PTPRD: variants seen among roughly 807,000 people sequenced by gnomAD.
PTPRD encodes the protein protein tyrosine phosphatase receptor type D.
In PTPRD, 34 loss-of-function variants were observed where a neutral mutation model predicts 214.5. The observed-to-expected ratio is 0.16, with a 90% confidence interval of 0.12 to 0.21. PTPRD has a LOEUF of 0.21. PTPRD is among the 10% of genes least tolerant of loss of function. The probability of loss-of-function intolerance (pLI) is 1.00; values close to 1 mark genes in which losing one functional copy is unlikely to be tolerated. For missense variants in PTPRD, 2,545 were observed against 2,398.7 expected, an observed-to-expected ratio of 1.06 and a Z score of -1.27; for synonymous variants, 1,128 against 845.7, an observed-to-expected ratio of 1.33 and a Z score of -5.79.
At chr9:9,856,199 C>T (rs567602839) in intron 5 of PTPRD, among the ~76,000 whole-genome samples, 4 of 152,256 alleles carry the variant, frequency 2.6e-5, no homozygotes, top group African/African-American at 4.8e-5. Flanking sequence ...CCGCTTCTGA[C>T]ATCCAGCTGT....
intron 12 of PTPRD, among the ~76,000 whole-genome samples, chr9:8,686,904 G>A (rs183250023): frequency 1.8e-4 from 28 of 152,298 alleles, no homozygotes; most frequent in Admixed American, 1.6e-3. Context: ...AACAAAAGTA[G>A]ATCAACCAGA....
chr9:9,148,536 T>C (rs949958826), intron 10 of PTPRD, among the ~76,000 whole-genome samples: 3 of 152,202 alleles, frequency 2.0e-5, no homozygotes, highest in African/African-American at 7.2e-5. Context: ...CACCCCCATA[T>C]GGCTGACATT....
rs138876388 is a variant in PTPRD, at chr9:9,593,361, G to A, written c.-286-18580C>T. Among the ~76,000 whole-genome samples the A allele has an allele frequency of 3.4e-4, 52 of 150,778 alleles. 1 individual carries two copies. In the East Asian group the frequency reaches 9.3e-3, roughly 27 times the overall value. ...GAGTAAGAAATACAAATATTTGTAT[G>A]TACATGTGTATGTATATGCTATATT... On this transcript the variant is annotated intron_variant, in intron 7 of 45. Coordinates refer to ENST00000381196, the MANE Select transcript of PTPRD (RefSeq NM_002839.4).
chr9:8,541,665 C>A (rs76925336), intron 14 of PTPRD, among the ~76,000 whole-genome samples: 2,344 of 152,182 alleles, frequency 0.015, 27 homozygotes, highest in Middle Eastern at 0.041. Flanking sequence ...CTGCGCCCAG[C>A]CTTTGTGTTT....
intron 5 of PTPRD, among the ~76,000 whole-genome samples, chr9:9,815,914 A>T (rs2048612659): frequency 1.3e-5 from 2 of 152,298 alleles, no homozygotes; most frequent in South Asian, 4.1e-4. Context: ...AAGTGTTCTC[A>T]CCACACATAC....
intron 3 of PTPRD, among the ~76,000 whole-genome samples, chr9:10,278,794 A>G (rs774483471): frequency 6.7e-6 from 1 of 148,516 alleles, no homozygotes; most frequent in Non-Finnish European, 1.5e-5. Flanking sequence ...TTTGTTTTTC[A>G]GATGGAGTCT....
In PTPRD at chr9:8,501,453, G is replaced by C. The variant is rs370888000; in HGVS notation, c.1823-394C>G. On this transcript the variant is annotated intron_variant, in intron 23 of 45. Coordinates refer to ENST00000381196, the MANE Select transcript of PTPRD (RefSeq NM_002839.4). ...GCAAATAGTGCTAGTATTTACTTGA[G>C]GGTCTGATGATGCCTCACAGATGTT... Among the ~76,000 whole-genome samples, 147 of 152,204 alleles carry C rather than the reference G, an allele frequency of 9.7e-4. 3 individuals are homozygous for C. In the South Asian group the frequency reaches 0.027, roughly 28 times the overall value.
intron 2 of PTPRD, among the ~76,000 whole-genome samples, chr9:10,608,605 C>T: frequency 6.6e-6 from 1 of 152,090 alleles, no homozygotes. Flanking sequence ...AGTCACATAG[C>T]TTGAAAGACT....
chr9:8,402,851 A>G (rs2130400536), intron 36 of PTPRD, among the ~76,000 whole-genome samples: 1 of 152,260 alleles, frequency 6.6e-6, no homozygotes, highest in Middle Eastern at 3.4e-3. Flanking sequence ...TAAAATTTTA[A>G]TAAATTTAAA....
chr9:10,371,988 A>T (rs1388425429), intron 2 of PTPRD, among the ~76,000 whole-genome samples: 1 of 152,068 alleles, frequency 6.6e-6, no homozygotes, highest in Non-Finnish European at 1.5e-5. Flanking sequence ...GCTAATGGCT[A>T]ACAGCTATTT....
intron 11 of PTPRD, among the ~76,000 whole-genome samples, chr9:8,957,086 C>G (rs1457162341): frequency 6.6e-6 from 1 of 151,876 alleles, no homozygotes; most frequent in Non-Finnish European, 1.5e-5. Context: ...CCCTTTACTA[C>G]ATCAGTAGTC....
intron 2 of PTPRD, among the ~76,000 whole-genome samples, chr9:10,450,809 A>T (rs925768277): frequency 6.6e-6 from 1 of 151,914 alleles, no homozygotes; most frequent in African/African-American, 2.4e-5. Context: ...CTCTACCATC[A>T]CGTCTTAAAA....
intron 10 of PTPRD, among the ~76,000 whole-genome samples, chr9:9,029,533 G>C (rs1044053442): frequency 6.6e-6 from 1 of 151,838 alleles, no homozygotes; most frequent in Non-Finnish European, 1.5e-5. Context: ...TAGTGCCAGA[G>C]ACATTACAAA....
At chr9:9,199,994 T>G (rs1366435465) in intron 9 of PTPRD, among the ~76,000 whole-genome samples, 1 of 152,154 alleles carries the variant, frequency 6.6e-6, no homozygotes, top group Non-Finnish European at 1.5e-5. Flanking sequence ...TACATAAAGT[T>G]GTTATTGGTC....
intron 5 of PTPRD, among the ~76,000 whole-genome samples, chr9:9,914,318 C>T (rs1450968021): frequency 4.6e-5 from 7 of 152,096 alleles, no homozygotes; most frequent in Admixed American, 4.6e-4. Flanking sequence ...GAGAAACAGT[C>T]CCAAAGGCTT....
intron 11 of PTPRD, among the ~76,000 whole-genome samples, chr9:8,780,968 T>G (rs2095669625): frequency 6.6e-6 from 1 of 152,200 alleles, no homozygotes; most frequent in African/African-American, 2.4e-5. Context: ...ATTAACCTGC[T>G]CCAGTGAAAA....
At chr9:9,705,024 T>C (rs368017499) in intron 7 of PTPRD, among the ~76,000 whole-genome samples, 3 of 152,194 alleles carry the variant, frequency 2.0e-5, no homozygotes, top group South Asian at 4.1e-4. Flanking sequence ...AAGTTACATG[T>C]TTTTTATATG....
At chr9:8,949,155 T>A in intron 11 of PTPRD, among the ~76,000 whole-genome samples, 1 of 140,702 alleles carries the variant, frequency 7.1e-6, no homozygotes, top group South Asian at 2.2e-4. Flanking sequence ...ACCCGGGAGG[T>A]GGAGGGTGCA....
chr9:9,265,088 A>G (rs377297232), intron 9 of PTPRD, among the ~76,000 whole-genome samples: 122 of 151,862 alleles, frequency 8.0e-4, no homozygotes, highest in African/African-American at 2.8e-3. Context: ...ATATGAAAAC[A>G]TATGCAAGTT....
Sources: allele counts gnomAD v4.1 joint callset (sites outside exome capture counted in the v4.1 genomes callset), GRCh38; gene constraint gnomAD v4.1.1; transcripts MANE v1.5; gene names NCBI Gene and HGNC (gene_info 2026-07-23, HGNC 2026-07-21).